The following PLXNC1 variants were observed in gnomAD, a reference collection of about 807,000 sequenced individuals.
PLXNC1 encodes the protein plexin-C1.
PLXNC1 carries 75 observed loss-of-function variants against 178.2 expected under a neutral mutation model. That is an observed-to-expected ratio of 0.42 (90% CI 0.35 to 0.51). The LOEUF (loss-of-function observed/expected upper bound fraction) is 0.51. Among genes scored for constraint, PLXNC1 ranks in the 20% least tolerant of loss-of-function variants. The pLI is 0.02. For synonymous variants in PLXNC1, 790 were observed against 779.9 expected, an observed-to-expected ratio of 1.01 and a Z score of -0.22; for missense variants, 1,503 against 1,984.4, an observed-to-expected ratio of 0.76 and a Z score of 4.61.
chr12:94,159,943 G>C (rs1448957587), intron 1 of PLXNC1, among the ~76,000 whole-genome samples: 2 of 152,234 alleles, frequency 1.3e-5, no homozygotes, highest in Non-Finnish European at 2.9e-5. Context: ...CAGCAATGAG[G>C]ATGGAGAGGA....
chr12:94,226,561 T>C, intron 7 of PLXNC1, 44 bp from the exon 8 acceptor site: 1 of 1,314,688 alleles, frequency 7.6e-7, no homozygotes. Flanking sequence ...GATGTGAACA[T>C]TGTCCTAAAA....
At chr12:94,206,452 A>G (rs1435560627) in intron 4 of PLXNC1, among the ~76,000 whole-genome samples, 2 of 151,574 alleles carry the variant, frequency 1.3e-5, no homozygotes, top group African/African-American at 4.8e-5. Context: ...TTTTTCACAT[A>G]AGGGAAGTCT....
At chr12:94,228,163 C>T (rs1156343357) in intron 9 of PLXNC1, among the ~76,000 whole-genome samples, 1 of 152,184 alleles carries the variant, frequency 6.6e-6, no homozygotes, top group Non-Finnish European at 1.5e-5. Flanking sequence ...AACAACCAGG[C>T]AGAGGGAATA....
chr12:94,295,126 C>T (rs1967770639), intron 24 of PLXNC1, among the ~76,000 whole-genome samples: 1 of 152,214 alleles, frequency 6.6e-6, no homozygotes, highest in Non-Finnish European at 1.5e-5. Context: ...AAATTATACC[C>T]CAGTCAAGAC....
chr12:94,278,142 A>C, intron 21 of PLXNC1: 2 of 342,522 alleles, frequency 5.8e-6, no homozygotes, highest in Middle Eastern at 7.4e-4. Context: ...CCGCTCCTTA[A>C]AACCAAAAAA....
At chr12:94,186,803 C>G (rs139472556) in intron 4 of PLXNC1, 2 of 247,282 alleles carry the variant, frequency 8.1e-6, no homozygotes, top group South Asian at 1.2e-4. Flanking sequence ...AAGGGCCCCC[C>G]CTCCGAGAAG....
chr12:94,228,822 G>A (rs1014588444), intron 9 of PLXNC1, among the ~76,000 whole-genome samples: 71 of 152,226 alleles, frequency 4.7e-4, no homozygotes, highest in African/African-American at 1.4e-3. Context: ...CGCTTGGGTC[G>A]CTTCCACATT....
chr12:94,184,387 A>C (rs1211833928), intron 3 of PLXNC1, among the ~76,000 whole-genome samples: 9 of 151,528 alleles, frequency 5.9e-5, no homozygotes, highest in Non-Finnish European at 1.2e-4. Context: ...CAGCCTCCCA[A>C]AGTGCTGGGA....
chr12:94,273,440 T>C (rs1965708924), intron 21 of PLXNC1, among the ~76,000 whole-genome samples: 1 of 152,092 alleles, frequency 6.6e-6, no homozygotes, highest in Non-Finnish European at 1.5e-5. Context: ...AAGCCAAGTG[T>C]CTCCATGGTC....
intron 2 of PLXNC1, among the ~76,000 whole-genome samples, chr12:94,180,847 G>T (rs1236061236): frequency 6.6e-6 from 1 of 152,146 alleles, no homozygotes; most frequent in Non-Finnish European, 1.5e-5. Flanking sequence ...GCCAGACATG[G>T]TCAGAAATTG....
intron 1 of PLXNC1, among the ~76,000 whole-genome samples, chr12:94,155,903 GT>G: frequency 6.6e-6 from 1 of 152,290 alleles, no homozygotes; most frequent in East Asian, 1.9e-4. Flanking sequence ...CTTGAGTAAG[GT>G]CAGATAAAGG....
intron 23 of PLXNC1, among the ~76,000 whole-genome samples, chr12:94,284,108 A>G (rs1361383323): frequency 6.6e-6 from 1 of 150,688 alleles, no homozygotes; most frequent in Non-Finnish European, 1.5e-5. Context: ...AAAAAAAAAA[A>G]GCAGGGTTTG....
At chr12:94,271,865 G>A (rs748920766) in intron 21 of PLXNC1, among the ~76,000 whole-genome samples, 1 of 152,108 alleles carries the variant, frequency 6.6e-6, no homozygotes, top group African/African-American at 2.4e-5. Context: ...TGGGATGTGG[G>A]GGAGTTGATT....
At chr12:94,229,208 G>C (rs1217216681) in intron 9 of PLXNC1, among the ~76,000 whole-genome samples, 1 of 152,098 alleles carries the variant, frequency 6.6e-6, no homozygotes, top group Non-Finnish European at 1.5e-5. Flanking sequence ...TATCTTCTCT[G>C]GAGAAATGTC....
At chr12:94,161,688 G>A (rs1961390546) in intron 1 of PLXNC1, among the ~76,000 whole-genome samples, 1 of 152,164 alleles carries the variant, frequency 6.6e-6, no homozygotes. Flanking sequence ...GACTGAGATG[G>A]CGAGAGACTT....
chr12:94,248,950 A>G (rs998668730), intron 14 of PLXNC1, among the ~76,000 whole-genome samples: 3 of 152,192 alleles, frequency 2.0e-5, no homozygotes, highest in South Asian at 2.1e-4. Flanking sequence ...TTTATATCCC[A>G]TAATAAAGAT....
At chr12:94,201,748 CTTTTTTTTTTTTTTTTTTTTT>C (rs10529488) in intron 4 of PLXNC1, among the ~76,000 whole-genome samples, 12 of 54,420 alleles carry the variant, frequency 2.2e-4, no homozygotes, top group African/African-American at 7.3e-4. Flanking sequence ...CTTCCCACTA[CTTTTTTTTTTTTTTTTTTTTT>C]TTTTTTTTTT....
chr12:94,272,253 C>T (rs1965617402), intron 21 of PLXNC1: 1 of 152,330 alleles, frequency 6.6e-6, no homozygotes. Flanking sequence ...TGAGTTCTCT[C>T]CCTGGTGGCA....
At chr12:94,213,398 G>A (rs1167540616) in intron 5 of PLXNC1, among the ~76,000 whole-genome samples, 1 of 152,192 alleles carries the variant, frequency 6.6e-6, no homozygotes, top group East Asian at 1.9e-4. Flanking sequence ...TTTCTTTAAT[G>A]ACCAGTGATG....
Sources: gnomAD v4.1 joint callset for allele counts (sites outside exome capture counted in the v4.1 genomes callset) on GRCh38, gnomAD v4.1.1 for gene constraint, MANE v1.5 for transcripts, NCBI Gene and HGNC (gene_info 2026-07-23, HGNC 2026-07-21) for gene names.